Variants in DDX31 observed in about 807,000 individuals in gnomAD.
DDX31 encodes the protein ATP-dependent DNA helicase DDX31.
A neutral mutation model predicts 91.3 loss-of-function variants in DDX31; 70 were observed. That is an observed-to-expected ratio of 0.77 (90% CI 0.63 to 0.94). The LOEUF is 0.94. DDX31 is among the 40% of genes least tolerant of loss of function. The probability of loss-of-function intolerance (pLI) is 0.00; values close to 1 mark genes in which losing one functional copy is unlikely to be tolerated. For missense variants in DDX31, 902 were observed against 925.0 expected (o/e 0.98, Z 0.32); for synonymous variants, 362 against 350.6 (o/e 1.03, Z -0.36).
intron 19 of DDX31, among the ~76,000 whole-genome samples, chr9:132,609,846 T>C (rs1403392051): frequency 6.6e-6 from 1 of 152,104 alleles, no homozygotes; most frequent in Non-Finnish European, 1.5e-5. Context: ...GGTCTTGAAC[T>C]CCTGACCTTG....
In DDX31 at chr9:132,612,182, G is replaced by A. The variant is rs1199247265; in HGVS notation, c.1899C>T (p.Leu633=). 6.2e-7 allele frequency: 1 copy of A among 1,614,200 alleles called. No individual in the cohort carries two copies. The highest frequency in any genetic ancestry group is 1.7e-5 in the Admixed American group (1 of 60,018). Residue 633 remains leucine, a synonymous_variant, in exon 19 of 20, where the codon CTC becomes CTT. Transcript: ENST00000372159. ...ELKHIFHVRS[L]HLGHVAKSFG... Reference sequence around the variant, plus strand: ...AGCTCTTCGCCACATGCCCAAGGTGGAGGGATCGGACGTGGAAGATGTGCT... The same window carrying A: ...AGCTCTTCGCCACATGCCCAAGGTGAAGGGATCGGACGTGGAAGATGTGCT...
intron 4 of DDX31, among the ~76,000 whole-genome samples, chr9:132,660,431 T>C (rs1003868117): frequency 2.0e-5 from 3 of 151,570 alleles, no homozygotes; most frequent in Non-Finnish European, 4.4e-5. Flanking sequence ...AACAGGAATA[T>C]GAAACACAAC....
At chr9:132,652,053 T>C (rs1452551732) in intron 7 of DDX31, among the ~76,000 whole-genome samples, 1 of 152,180 alleles carries the variant, frequency 6.6e-6, no homozygotes, top group Non-Finnish European at 1.5e-5. Flanking sequence ...GTTTAACTTT[T>C]AGGAACAAGT....
intron 17 of DDX31, among the ~76,000 whole-genome samples, chr9:132,622,509 G>A (rs1440726738): frequency 6.6e-6 from 1 of 152,206 alleles, no homozygotes; most frequent in Non-Finnish European, 1.5e-5. Flanking sequence ...GAGGCTTCCT[G>A]CCCTTCTACA....
intron 14 of DDX31, among the ~76,000 whole-genome samples, chr9:132,641,216 C>G (rs532420927): frequency 3.9e-5 from 6 of 152,156 alleles, no homozygotes; most frequent in Non-Finnish European, 8.8e-5. Flanking sequence ...TCAAATGTGG[C>G]CTAGATGGGC....
intron 6 of DDX31, among the ~76,000 whole-genome samples, chr9:132,657,129 T>C (rs906691868): frequency 6.6e-6 from 1 of 152,254 alleles, no homozygotes; most frequent in Admixed American, 6.5e-5. Flanking sequence ...AAAGCAAGAA[T>C]ATTTGCTCAA....
intron 19 of DDX31, among the ~76,000 whole-genome samples, chr9:132,605,540 A>G (rs145334787): frequency 1.5e-4 from 23 of 152,290 alleles, no homozygotes; most frequent in Admixed American, 9.2e-4. Flanking sequence ...ATGAGCAAAC[A>G]CCAGGCAGGG....
intron 16 of DDX31, among the ~76,000 whole-genome samples, chr9:132,629,487 G>A (rs558156573): frequency 2.0e-5 from 3 of 152,358 alleles, no homozygotes; most frequent in South Asian, 4.1e-4. Context: ...AGCCACACAC[G>A]GCTCCTGCAA....
Position 132,630,351 on chromosome 9 carries a change from G to A in DDX31, c.1544C>T (p.Ala515Val), listed in dbSNP as rs1186132593. ...GCTGCTCCCATGGCAGCCAATCCGG[G>A]CGGTTCTTCCAATCCGGTGGATGTA... ...AEYIHRIGRT[A>V]RIGCHGSSLL... Residue 515 changes from alanine to valine, a missense_variant, in exon 16 of 20, where the codon GCC becomes GTC. Transcript: ENST00000372159. The A allele has an allele frequency of 1.9e-6, 3 of 1,604,924 alleles. No individual in the cohort carries two copies. Among genetic ancestry groups the A allele is most frequent in the Non-Finnish European group, 2.6e-6 (3 of 1,172,470 alleles).
intron 1 of DDX31, among the ~76,000 whole-genome samples, chr9:132,668,167 T>G (rs558615485): frequency 5.6e-4 from 86 of 152,276 alleles, no homozygotes; most frequent in African/African-American, 1.9e-3. Flanking sequence ...TCCTAAAGTT[T>G]GATGATCACT....
At chr9:132,599,818 A>G (rs1041577189) in intron 19 of DDX31, among the ~76,000 whole-genome samples, 1 of 152,248 alleles carries the variant, frequency 6.6e-6, no homozygotes, top group Non-Finnish European at 1.5e-5. Context: ...TTCCAGGGCC[A>G]CGGCTAGGCC....
intron 1 of DDX31, 188 bp downstream of exon 1, chr9:132,669,672 C>A: frequency 1.3e-6 from 2 of 1,533,466 alleles, no homozygotes; most frequent in Non-Finnish European, 1.7e-6. Flanking sequence ...CCAGGCGCAT[C>A]CCTGCGGGTG....
rs115546326 is a variant in DDX31, at chr9:132,646,281, A to C, written c.1204-210T>G. Reference sequence around the variant, plus strand: ...GGAAAACGACACAGCTATCATTTCAAACAGGTTTCCCTTATCTGACAAAAA... The same window carrying C: ...GGAAAACGACACAGCTATCATTTCACACAGGTTTCCCTTATCTGACAAAAA... On this transcript the variant is annotated intron_variant, in intron 12 of 19. Transcript: ENST00000372159. 8.8e-3 allele frequency among the ~76,000 whole-genome samples: 1,337 copies of C among 152,306 alleles called. 21 individuals are homozygous for C. Among genetic ancestry groups the C allele is most frequent in the African/African-American group, 0.031 (1,278 of 41,554 alleles).
chr9:132,620,003 G>A (rs939053768), intron 17 of DDX31, among the ~76,000 whole-genome samples: 2 of 151,312 alleles, frequency 1.3e-5, no homozygotes, highest in Non-Finnish European at 2.9e-5. Flanking sequence ...TCTTTTTCTT[G>A]TGTTTTAACT....
chr9:132,600,343 C>T (rs185476467), intron 19 of DDX31, among the ~76,000 whole-genome samples: 3 of 151,930 alleles, frequency 2.0e-5, no homozygotes, highest in Admixed American at 6.6e-5. Context: ...AGAAGACACT[C>T]GGCTCCAGTT....
intron 14 of DDX31, among the ~76,000 whole-genome samples, chr9:132,641,782 T>C (rs942616495): frequency 6.6e-6 from 1 of 152,186 alleles, no homozygotes; most frequent in African/African-American, 2.4e-5. Context: ...GCTGCCACTA[T>C]TAGTGAGCAA....
chr9:132,669,529 A>T, intron 1 of DDX31: 2 of 1,385,838 alleles, frequency 1.4e-6, no homozygotes, highest in Non-Finnish European at 1.9e-6. Context: ...TAGAGAAGTT[A>T]AGCTTTGGCC....
In DDX31 at chr9:132,645,851, G is replaced by A. The variant is rs768603672; in HGVS notation, c.1380+44C>T. On this transcript the variant is annotated intron_variant, in intron 13 of 19. Coordinates refer to ENST00000372159, the MANE Select transcript of DDX31 (RefSeq NM_022779.9). ...GACTCAGGTTCGCCCCCATCTCCAC[G>A]TGGGGCCGCAGTGTTGTCGCTGCAC... 46 of 1,570,984 alleles carry A rather than the reference G, an allele frequency of 2.9e-5. No homozygotes were observed. The East Asian group carries it at 3.2e-4, about 11-fold the overall frequency.
intron 19 of DDX31, among the ~76,000 whole-genome samples, chr9:132,599,620 G>A (rs2062308518): frequency 6.6e-6 from 1 of 152,234 alleles, no homozygotes; most frequent in African/African-American, 2.4e-5. Flanking sequence ...TTGTCCTATA[G>A]TGAAATGCCA....
Sources: allele counts gnomAD v4.1 joint callset (sites outside exome capture counted in the v4.1 genomes callset), GRCh38; gene constraint gnomAD v4.1.1; transcripts MANE v1.5; gene names NCBI Gene and HGNC (gene_info 2026-07-23, HGNC 2026-07-21).